MCC: variants seen among roughly 807,000 people sequenced by gnomAD.
MCC encodes colorectal mutant cancer protein.
Under a neutral mutation model 116.2 loss-of-function variants are expected in MCC, and 90 were observed. The ratio of observed to expected loss-of-function variants is 0.77; its 90% CI spans 0.65 to 0.92. The LOEUF (loss-of-function observed/expected upper bound fraction) is 0.92, where lower values mean the gene tolerates loss of function less well. MCC is among the 40% of genes least tolerant of loss of function. The pLI is 0.00. For missense variants in MCC, 1,516 were observed against 1,312.2 expected (o/e 1.16, Z -2.40); for synonymous variants, 578 against 510.5 (o/e 1.13, Z -1.78).
chr5:113,485,471 T>G (rs906271691), intron 1 of MCC, among the ~76,000 whole-genome samples: 1 of 152,186 alleles, frequency 6.6e-6, no homozygotes, highest in Non-Finnish European at 1.5e-5. Context: ...GGTTAAGTGA[T>G]GTAGTTTGAC....
At chr5:113,407,880 G>A (rs1664653487) in intron 1 of MCC, among the ~76,000 whole-genome samples, 1 of 151,958 alleles carries the variant, frequency 6.6e-6, no homozygotes, top group South Asian at 2.1e-4. Flanking sequence ...TCCCACTTAC[G>A]TAAACTCCCT....
At chr5:113,158,758 T>A (rs1430339105) in intron 3 of MCC, among the ~76,000 whole-genome samples, 1 of 152,288 alleles carries the variant, frequency 6.6e-6, no homozygotes, top group East Asian at 1.9e-4. Context: ...GCAAAAGTAA[T>A]TGCAATGGCA....
intron 16 of MCC, among the ~76,000 whole-genome samples, chr5:113,046,571 CTCAGT>C (rs1752087625): frequency 6.6e-6 from 1 of 151,626 alleles, no homozygotes; most frequent in African/African-American, 2.4e-5. Flanking sequence ...GGGGAAAATG[CTCAGT>C]TCATGGGCCT....
At chr5:113,196,138 T>G (rs1762392757) in intron 3 of MCC, among the ~76,000 whole-genome samples, 1 of 152,242 alleles carries the variant, frequency 6.6e-6, no homozygotes, top group Admixed American at 6.5e-5. Flanking sequence ...TCACTTCTAT[T>G]GGTGATATAC....
intron 3 of MCC, among the ~76,000 whole-genome samples, chr5:113,267,403 T>C (rs1455488261): frequency 2.0e-5 from 3 of 152,176 alleles, no homozygotes; most frequent in Non-Finnish European, 4.4e-5. Flanking sequence ...AACCTTCACG[T>C]TTATATAAAA....
Position 113,488,450 on chromosome 5 carries a change from G to A in MCC, c.-36C>T, listed in dbSNP as rs950619543. On this transcript the variant is annotated 5_prime_UTR_variant, in exon 1 of 19. Coordinates refer to ENST00000408903, the MANE Select transcript of MCC (RefSeq NM_001085377.2). ...CCTACTTGGGAGGAGGAGTACGCGC[G>A]ACCGCAGCTGGAATCCGCGCGGCGC... The A allele has an allele frequency of 7.9e-6, 11 of 1,389,674 alleles. No homozygotes were observed. In the Admixed American group the frequency reaches 2.9e-4, roughly 37 times the overall value. 86.1% of individuals were successfully genotyped at this position (1,389,674 alleles called of 1,614,324 possible).
chr5:113,040,199 T>C (rs28649609), intron 17 of MCC, among the ~76,000 whole-genome samples: 148,362 of 151,704 alleles, frequency 0.98, 72,557 homozygotes, highest in East Asian at 1. Context: ...GCATGTAGCC[T>C]TGGTTTTGTT....
intron 3 of MCC, among the ~76,000 whole-genome samples, chr5:113,316,657 AAGTC>A (rs1225507792): frequency 6.6e-6 from 1 of 152,212 alleles, no homozygotes; most frequent in East Asian, 1.9e-4. Context: ...AGGGATATAA[AAGTC>A]AGGGTCTCAT....
intron 7 of MCC, 30 bp downstream of exon 7, chr5:113,104,162 A>C: frequency 6.4e-7 from 1 of 1,561,720 alleles, no homozygotes. Context: ...AGAACCTCAA[A>C]GGGCCTCACA....
chr5:113,318,911 G>A (rs1767352546), intron 3 of MCC, among the ~76,000 whole-genome samples: 2 of 152,240 alleles, frequency 1.3e-5, no homozygotes, highest in Middle Eastern at 3.4e-3. Context: ...CTGTTGCCCA[G>A]GCTGGAGTGC....
At chr5:113,200,223 G>T (rs1762614912) in intron 3 of MCC, among the ~76,000 whole-genome samples, 1 of 152,096 alleles carries the variant, frequency 6.6e-6, no homozygotes, top group Admixed American at 6.5e-5. Flanking sequence ...AAAATAAAAG[G>T]GAGCTGGAAT....
At position 113,236,365 on chromosome 5, in the gene MCC, G is replaced by A. The variant is rs116828568; in HGVS notation, c.628-84943C>T. ...AATGCTGGTGGCAGAAAAGCTTTCCGGGACCAGAGAAAGGCAGTATCGAGG... is the reference window on the plus strand; with the variant it reads ...AATGCTGGTGGCAGAAAAGCTTTCCAGGACCAGAGAAAGGCAGTATCGAGG... On this transcript the variant is annotated intron_variant, in intron 3 of 18. Transcript: ENST00000408903. Among the ~76,000 whole-genome samples, 492 of 152,208 alleles carry A rather than the reference G, an allele frequency of 3.2e-3. 4 individuals carry two copies. Among genetic ancestry groups the A allele is most frequent in the African/African-American group, 0.011 (465 of 41,522 alleles).
At chr5:113,074,887 G>C (rs1443491304) in intron 11 of MCC, among the ~76,000 whole-genome samples, 2 of 152,258 alleles carry the variant, frequency 1.3e-5, no homozygotes, top group African/African-American at 2.4e-5. Context: ...AAGGGACTGA[G>C]AGGTGACAAA....
chr5:113,142,341 G>A (rs11241194), intron 5 of MCC, among the ~76,000 whole-genome samples: 126,986 of 151,740 alleles, frequency 0.84, 54,634 homozygotes, highest in Non-Finnish European at 0.93. Context: ...TCCTCAGGCT[G>A]TTCCCGGAGC....
chr5:113,457,573 G>GT (rs200386032), intron 1 of MCC, among the ~76,000 whole-genome samples: 2,336 of 152,346 alleles, frequency 0.015, 62 homozygotes, highest in African/African-American at 0.053. Context: ...TGCAGCCCAG[G>GT]TGCAGGATCC....
At chr5:113,196,577 G>A (rs530922350) in intron 3 of MCC, among the ~76,000 whole-genome samples, 12 of 152,306 alleles carry the variant, frequency 7.9e-5, no homozygotes, top group East Asian at 3.9e-4. Context: ...TCGGTCGGGC[G>A]CAGTGGCTCA....
Position 113,404,824 on chromosome 5 carries a change from A to T in MCC, c.171-19612T>A, listed in dbSNP as rs1769787129. ...ATCCAAAATCAATCAAGTTAAAAAA[A>T]AAGGCAGGTGCAGATCAGTGCGTGT... is the stretch of plus-strand genomic sequence containing the variant. On this transcript the variant is annotated intron_variant, in intron 1 of 18. Coordinates refer to ENST00000408903, the MANE Select transcript of MCC (RefSeq NM_001085377.2). 2.0e-5 allele frequency among the ~76,000 whole-genome samples: 3 copies of T among 152,038 alleles called. No individual in the cohort carries two copies. The South Asian group carries it at 6.2e-4, about 32-fold the overall frequency.
intron 3 of MCC, among the ~76,000 whole-genome samples, chr5:113,213,768 T>C (rs183476540): frequency 6.6e-6 from 1 of 152,314 alleles, no homozygotes; most frequent in East Asian, 1.9e-4. Flanking sequence ...TTCTCTTTCA[T>C]ACCCACTCAC....
intron 1 of MCC, among the ~76,000 whole-genome samples, chr5:113,472,372 A>G (rs1281982075): frequency 1.3e-5 from 2 of 152,212 alleles, no homozygotes; most frequent in Non-Finnish European, 2.9e-5. Flanking sequence ...ATATTCACCA[A>G]TAAAGCCTAG....
Sources: gnomAD v4.1 joint callset for allele counts (sites outside exome capture counted in the v4.1 genomes callset) on GRCh38, gnomAD v4.1.1 for gene constraint, MANE v1.5 for transcripts, NCBI Gene and HGNC (gene_info 2026-07-23, HGNC 2026-07-21) for gene names.